MBTD1: variants seen among roughly 807,000 people sequenced by gnomAD.
MBTD1 encodes MBT domain-containing protein 1.
Under a neutral mutation model 87.8 loss-of-function variants are expected in MBTD1, and 24 were observed. The observed-to-expected ratio is 0.27, with a 90% CI of 0.20 to 0.38. MBTD1 has a LOEUF of 0.38. MBTD1 is among the 10% of genes least tolerant of loss of function. The pLI is 1.00. For missense variants in MBTD1, 436 were observed against 760.2 expected, an observed-to-expected ratio of 0.57 and a Z score of 5.02; for synonymous variants, 237 against 248.6, an observed-to-expected ratio of 0.95 and a Z score of 0.44.
intron 2 of MBTD1, among the ~76,000 whole-genome samples, chr17:51,257,658 G>A (rs1598455912): frequency 6.6e-6 from 1 of 152,222 alleles, no homozygotes; most frequent in East Asian, 1.9e-4. Context: ...GAATGCAGAT[G>A]TCTCCAAAGT....
chr17:51,247,752 G>A (rs1328791693), intron 2 of MBTD1, among the ~76,000 whole-genome samples: 2 of 152,186 alleles, frequency 1.3e-5, no homozygotes, highest in Non-Finnish European at 1.5e-5. Flanking sequence ...ACACAGTCCA[G>A]TATTACTCTT....
intron 3 of MBTD1, among the ~76,000 whole-genome samples, chr17:51,223,758 C>G (rs1253221874): frequency 6.6e-6 from 1 of 152,100 alleles, no homozygotes; most frequent in Non-Finnish European, 1.5e-5. Context: ...ATTGCTTGAA[C>G]CCGGGAGGTG....
intron 12 of MBTD1, among the ~76,000 whole-genome samples, chr17:51,201,147 AC>A (rs2051466541): frequency 6.6e-6 from 1 of 152,078 alleles, no homozygotes; most frequent in South Asian, 2.1e-4. Context: ...GAACAAACAA[AC>A]AAAAAACCCA....
intron 2 of MBTD1, among the ~76,000 whole-genome samples, chr17:51,242,097 G>C (rs550968476): frequency 1.5e-4 from 23 of 152,202 alleles, no homozygotes; most frequent in South Asian, 4.1e-4. Context: ...AACAGCCTTG[G>C]TATCTTTTAG....
chr17:51,252,715 C>A (rs1304163918), intron 2 of MBTD1, among the ~76,000 whole-genome samples: 1 of 147,402 alleles, frequency 6.8e-6, no homozygotes, highest in Non-Finnish European at 1.5e-5. Context: ...GTCTGGGCGA[C>A]AGAGTGAGAC....
At chr17:51,241,030 G>A (rs2054135795) in intron 2 of MBTD1, among the ~76,000 whole-genome samples, 1 of 152,028 alleles carries the variant, frequency 6.6e-6, no homozygotes, top group South Asian at 2.1e-4. Context: ...CCAGGCTGGA[G>A]TGCAGTGGCG....
At position 51,195,302 on chromosome 17, in the gene MBTD1, A is replaced by G. The variant is rs775335451; in HGVS notation, c.1284T>C (p.Ser428=). Residue 428 remains serine (S), a synonymous_variant, in exon 13 of 17, where the codon TCT becomes TCC. Transcript: ENST00000586178. ...GIDGSEAADG[S]DWFCYHATSP... The stretch of plus-strand genomic sequence containing the variant: ...AGGTTGCATGGTAACAGAACCAGTC[A>G]GATCCGTCTGCTGCTTCTGAGCCAT... 5.0e-6 allele frequency: 8 copies of G among 1,612,884 alleles called. No homozygotes were observed. The South Asian group carries it at 8.8e-5, about 18-fold the overall frequency.
At chr17:51,190,750 A>AAAAAAAATATATATATATATATATATAT (rs1555677185) in intron 16 of MBTD1, among the ~76,000 whole-genome samples, 1 of 39,718 alleles carries the variant, frequency 2.5e-5, no homozygotes, top group African/African-American at 1.5e-4. Flanking sequence ...AAAAAAAAAA[A>AAAAAAAATATATATATATATATATATAT]ATATATATAT....
chr17:51,260,809 G>C, upstream of MBTD1: 1 of 1,587,698 alleles, frequency 6.3e-7, no homozygotes, highest in Non-Finnish European at 8.6e-7. Context: ...TCCGGCAGCG[G>C]AACCGCCTGA....
chr17:51,235,412 A>G (rs996387655), intron 2 of MBTD1, among the ~76,000 whole-genome samples: 2 of 152,222 alleles, frequency 1.3e-5, no homozygotes, highest in Admixed American at 1.3e-4. Context: ...TGCTGGAATT[A>G]CAGGTGTGAC....
At chr17:51,196,716 C>A (rs1372341662) in intron 12 of MBTD1, among the ~76,000 whole-genome samples, 1 of 151,576 alleles carries the variant, frequency 6.6e-6, no homozygotes, top group African/African-American at 2.4e-5. Flanking sequence ...CATGGCGAAA[C>A]CCAGTCTCTA....
chr17:51,195,529 AT>A (rs1303687494), intron 12 of MBTD1, among the ~76,000 whole-genome samples, 168 bp from the exon 13 acceptor site: 3 of 152,222 alleles, frequency 2.0e-5, no homozygotes, highest in African/African-American at 4.8e-5. Flanking sequence ...AATGAAAAAA[AT>A]CTATGTAAAT....
At chr17:51,202,121 A>G in intron 10 of MBTD1, 44 bp from the exon 11 acceptor site, 1 of 1,297,432 alleles carries the variant, frequency 7.7e-7, no homozygotes, top group African/African-American at 1.5e-5. Flanking sequence ...ATTTGTGAGA[A>G]GACCAAAAAC....
intron 16 of MBTD1, among the ~76,000 whole-genome samples, chr17:51,182,270 G>C (rs2050346819): frequency 6.6e-6 from 1 of 152,074 alleles, no homozygotes; most frequent in Non-Finnish European, 1.5e-5. Flanking sequence ...GATTACAGGT[G>C]TGTGCCACCA....
At chr17:51,249,038 C>T (rs534113207) in intron 2 of MBTD1, among the ~76,000 whole-genome samples, 91 of 152,120 alleles carry the variant, frequency 6.0e-4, no homozygotes, top group African/African-American at 2.1e-3. Flanking sequence ...ACTGCTTGAG[C>T]CCAAGAGTTT....
chr17:51,210,882 C>T (rs182866233), intron 6 of MBTD1, among the ~76,000 whole-genome samples: 22 of 152,226 alleles, frequency 1.4e-4, no homozygotes, highest in African/African-American at 4.6e-4. Flanking sequence ...TGGTGGCTCA[C>T]GCCAAGGACT....
chr17:51,195,148 G>C, intron 13 of MBTD1, 66 bp downstream of exon 13: 1 of 1,467,330 alleles, frequency 6.8e-7, no homozygotes, highest in Non-Finnish European at 9.3e-7. Context: ...GTTAAATGTT[G>C]TAAACAAAAA....
In MBTD1 at chr17:51,179,473, TAAAGAC is replaced by T. The variant is rs2050196210; in HGVS notation, c.*1097_*1102del. 2 of 96,574 alleles carry T rather than the reference TAAAGAC, an allele frequency of 2.1e-5. No homozygotes were observed. Among genetic ancestry groups the T allele is most frequent in the Non-Finnish European group, 4.0e-5 (2 of 50,528 alleles). 6.0% of individuals were successfully genotyped at this position (96,574 alleles called of 1,614,324 possible). On this transcript the variant is annotated 3_prime_UTR_variant, in exon 17 of 17. Transcript: ENST00000586178. ...TATTAAAATAAATCCTGAATACAAT[TAAAGAC>T]AATTTTATATATATATATATATATA...
intron 2 of MBTD1, among the ~76,000 whole-genome samples, chr17:51,257,130 C>T (rs2055135548): frequency 6.6e-6 from 1 of 152,226 alleles, no homozygotes; most frequent in African/African-American, 2.4e-5. Context: ...TCATCTTGCA[C>T]AGTTAAGAAT....
Sources: gnomAD v4.1 joint callset for allele counts (sites outside exome capture counted in the v4.1 genomes callset) on GRCh38, gnomAD v4.1.1 for gene constraint, MANE v1.5 for transcripts, NCBI Gene and HGNC (gene_info 2026-07-23, HGNC 2026-07-21) for gene names.